ANO6: variants seen among roughly 807,000 people sequenced by gnomAD.
ANO6 encodes anoctamin-6.
A neutral mutation model predicts 117.5 loss-of-function variants in ANO6; 106 were observed. The observed-to-expected ratio is 0.90, with a 90% CI of 0.77 to 1.06. The LOEUF (loss-of-function observed/expected upper bound fraction) is 1.06. Ranked by LOEUF, ANO6 falls within the 50% of genes least tolerant of loss-of-function variation. The probability of loss-of-function intolerance (pLI) is 0.00; values close to 1 mark genes in which losing one functional copy is unlikely to be tolerated. For synonymous variants in ANO6, 367 were observed against 385.1 expected (o/e 0.95, Z 0.55); for missense variants, 955 against 1,121.1 (o/e 0.85, Z 2.12).
At chr12:45,340,998 GA>G (rs1386219209) in intron 3 of ANO6, among the ~76,000 whole-genome samples, 18 of 152,106 alleles carry the variant, frequency 1.2e-4, no homozygotes, top group African/African-American at 4.3e-4. Context: ...CATGCCAAAA[GA>G]AAATAACAAG....
Position 45,390,327 on chromosome 12 carries a change from A to G in ANO6, c.1309-94A>G, listed in dbSNP as rs79233726. On this transcript the variant is annotated intron_variant, in intron 11 of 19. Transcript: ENST00000320560. ...ACTATGCTTGCAAACTAATTTTTTA[A>G]AATTAATTCTAAGATTTATTGGCGA... The G allele has an allele frequency of 3.4e-3, 3,664 of 1,073,456 alleles. 44 individuals carry two copies. The highest frequency in any genetic ancestry group is 0.032 in the East Asian group (1,354 of 42,080). 66.5% of individuals were successfully genotyped at this position (1,073,456 alleles called of 1,614,324 possible). A position where few individuals can be genotyped will look rare whatever the true frequency, so the allele number is the denominator to read the frequency against.
chr12:45,302,599 CA>C (rs907520546), intron 2 of ANO6, among the ~76,000 whole-genome samples: 4 of 152,078 alleles, frequency 2.6e-5, no homozygotes, highest in African/African-American at 7.2e-5. Flanking sequence ...TAAATGCTCC[CA>C]TTAAATTGGA....
At chr12:45,286,905 G>A (rs1472578161) in intron 1 of ANO6, among the ~76,000 whole-genome samples, 1 of 152,136 alleles carries the variant, frequency 6.6e-6, no homozygotes, top group African/African-American at 2.4e-5. Flanking sequence ...TTAGGAAGTG[G>A]TAGGTCTGGG....
chr12:45,357,563 T>C (rs1229501399), intron 8 of ANO6, 139 bp downstream of exon 8: 26 of 1,155,472 alleles, frequency 2.3e-5, no homozygotes, highest in Non-Finnish European at 3.2e-5. Context: ...CCTTTTGTTC[T>C]GAGCACAATA....
intron 1 of ANO6, among the ~76,000 whole-genome samples, chr12:45,284,284 C>A (rs1444231278): frequency 6.6e-6 from 1 of 152,120 alleles, no homozygotes; most frequent in Non-Finnish European, 1.5e-5. Context: ...TGGATTTTAA[C>A]CTACAGTCAA....
intron 7 of ANO6, among the ~76,000 whole-genome samples, chr12:45,353,743 A>C (rs56408748): frequency 0.032 from 4,923 of 152,220 alleles, 244 homozygotes; most frequent in African/African-American, 0.11. Flanking sequence ...TAAAAAAGAA[A>C]AGTTTCCCTC....
At chr12:45,340,708 TATTA>T (rs956597932) in intron 3 of ANO6, among the ~76,000 whole-genome samples, 4 of 152,160 alleles carry the variant, frequency 2.6e-5, no homozygotes, top group South Asian at 2.1e-4. Flanking sequence ...CAATATGCAA[TATTA>T]ATTATCTTTC....
chr12:45,346,696 C>T (rs1380900003), intron 3 of ANO6, among the ~76,000 whole-genome samples: 1 of 152,088 alleles, frequency 6.6e-6, no homozygotes, highest in African/African-American at 2.4e-5. Flanking sequence ...CTTTTATGAG[C>T]CAAAAAGTAC....
At chr12:45,261,141 A>C (rs1938018016) in intron 1 of ANO6, among the ~76,000 whole-genome samples, 1 of 152,176 alleles carries the variant, frequency 6.6e-6, no homozygotes, top group Admixed American at 6.5e-5. Flanking sequence ...TTTGAAGAGA[A>C]ACCTAAGGGT....
chr12:45,328,238 ACTTCCTGTGTGGCT>A (rs1330428327), intron 2 of ANO6, among the ~76,000 whole-genome samples: 1 of 152,068 alleles, frequency 6.6e-6, no homozygotes, highest in Non-Finnish European at 1.5e-5. Context: ...TACTGAGCTG[ACTTCCTGTGTGGCT>A]CCCCTGTGTG....
intron 10 of ANO6, among the ~76,000 whole-genome samples, chr12:45,384,883 A>ACTAT (rs1942256971): frequency 1.3e-5 from 2 of 152,240 alleles, no homozygotes; most frequent in Non-Finnish European, 1.5e-5. Flanking sequence ...AGATAAAAAC[A>ACTAT]CTATCTGTAA....
chr12:45,367,461 C>T (rs1184023820), intron 8 of ANO6, among the ~76,000 whole-genome samples: 1 of 152,150 alleles, frequency 6.6e-6, no homozygotes, highest in Non-Finnish European at 1.5e-5. Flanking sequence ...ACAGTGATAG[C>T]AGAATCTTTT....
At chr12:45,316,914 T>C (rs1421857282) in intron 2 of ANO6, among the ~76,000 whole-genome samples, 1 of 150,234 alleles carries the variant, frequency 6.7e-6, no homozygotes, top group Admixed American at 6.7e-5. Flanking sequence ...TTAATGTGGA[T>C]ATATCTGTTG....
Position 45,246,413 on chromosome 12 carries a change from A to T in ANO6, c.70+30022A>T, listed in dbSNP as rs118131823. 4.4e-3 allele frequency among the ~76,000 whole-genome samples: 669 copies of T among 152,292 alleles called. 2 individuals are homozygous for T. The highest frequency in any genetic ancestry group is 0.01 in the Middle Eastern group (3 of 294). ...AATAGAGTGCTGGAAGTATTTCTACATTTGAGCATTCAAATTAGAGTAAAC... is the reference window on the plus strand; with the variant it reads ...AATAGAGTGCTGGAAGTATTTCTACTTTTGAGCATTCAAATTAGAGTAAAC... On this transcript the variant is annotated intron_variant, in intron 1 of 19. Coordinates refer to ENST00000320560, the MANE Select transcript of ANO6 (RefSeq NM_001025356.3).
At chr12:45,250,041 T>A (rs1947879177) in intron 1 of ANO6, among the ~76,000 whole-genome samples, 1 of 152,200 alleles carries the variant, frequency 6.6e-6, no homozygotes, top group Admixed American at 6.5e-5. Context: ...GGAAGCTCAG[T>A]GTTGCCTTTT....
intron 3 of ANO6, among the ~76,000 whole-genome samples, chr12:45,340,259 A>C (rs1308208842): frequency 1.3e-5 from 2 of 152,118 alleles, no homozygotes; most frequent in Admixed American, 1.3e-4. Flanking sequence ...TATGAATAAG[A>C]TACTGGTTTC....
rs147177166 is a variant in ANO6 at position 45,230,297 on chromosome 12, T to G, written c.70+13906T>G. Among the ~76,000 whole-genome samples, 654 of 152,130 alleles carry G rather than the reference T, an allele frequency of 4.3e-3. 6 individuals are homozygous for G. Among genetic ancestry groups the G allele is most frequent in the African/African-American group, 0.015 (619 of 41,532 alleles). ...ATGATTATTGAAGAGCTATGTGATA[T>G]GACTGAAAAGGACCTGGTCTTGAGC... On this transcript the variant is annotated intron_variant, in intron 1 of 19. Transcript: ENST00000320560.
intron 1 of ANO6, among the ~76,000 whole-genome samples, chr12:45,223,130 G>GT (rs1289276140): frequency 6.6e-6 from 1 of 152,184 alleles, no homozygotes. Context: ...AACGGGAAGT[G>GT]TTTCCCTGAG....
At chr12:45,279,565 C>G (rs953534426) in intron 1 of ANO6, among the ~76,000 whole-genome samples, 12 of 152,130 alleles carry the variant, frequency 7.9e-5, no homozygotes, top group African/African-American at 2.9e-4. Flanking sequence ...TCTGTGTGAC[C>G]TCTGAGTCCC....
Sources: allele counts gnomAD v4.1 joint callset (sites outside exome capture counted in the v4.1 genomes callset), GRCh38; gene constraint gnomAD v4.1.1; transcripts MANE v1.5; gene names NCBI Gene and HGNC (gene_info 2026-07-23, HGNC 2026-07-21).